Variants in ALPL observed in about 807,000 individuals in gnomAD.
ALPL encodes alkaline phosphatase, tissue-nonspecific isozyme.
In ALPL, 42 loss-of-function variants were observed where a neutral mutation model predicts 51.3. That is an observed-to-expected ratio of 0.82 (90% CI 0.64 to 1.06). The LOEUF (loss-of-function observed/expected upper bound fraction) is 1.06, where lower values mean the gene tolerates loss of function less well. Ranked by LOEUF, ALPL falls within the 50% of genes least tolerant of loss-of-function variation. The probability of loss-of-function intolerance (pLI) is 0.00; values close to 1 mark genes in which losing one functional copy is unlikely to be tolerated. For synonymous variants in ALPL, 279 were observed against 296.4 expected (o/e 0.94, Z 0.60); for missense variants, 589 against 709.4 (o/e 0.83, Z 1.93).
intron 1 of ALPL, among the ~76,000 whole-genome samples, chr1:21,514,039 C>T (rs544946365): frequency 7.9e-5 from 12 of 152,302 alleles, no homozygotes; most frequent in African/African-American, 2.9e-4. Flanking sequence ...GGGGCTTGGG[C>T]CAGCCCTCAG....
chr1:21,560,813 G>C lies in ALPL; in HGVS notation c.181+68G>C, dbSNP rs1644474246. On this transcript the variant is annotated intron_variant, in intron 3 of 11. Coordinates refer to ENST00000374840, the MANE Select transcript of ALPL (RefSeq NM_000478.6). ...AGCTAGGAGCCCCGGGAGCCAGGCT[G>C]AGTTGAAGGGGGCTGTGTTGAAGGG... 3 of 1,595,650 alleles carry C rather than the reference G, an allele frequency of 1.9e-6. No homozygotes were observed. The East Asian group carries it at 6.7e-5, about 36-fold the overall frequency.
intron 1 of ALPL, among the ~76,000 whole-genome samples, chr1:21,537,583 C>G (rs1487018776): frequency 6.6e-6 from 1 of 152,234 alleles, no homozygotes; most frequent in Non-Finnish European, 1.5e-5. Flanking sequence ...CGCCATCCCC[C>G]TACACCCCAG....
chr1:21,573,929 G>A, intron 9 of ALPL, 130 bp downstream of exon 9: 1 of 1,501,954 alleles, frequency 6.7e-7, no homozygotes, highest in Non-Finnish European at 8.9e-7. Context: ...AGGAGAATAG[G>A]TTGTGGAAGG....
At chr1:21,569,233 C>A (rs1174866897) in intron 7 of ALPL, among the ~76,000 whole-genome samples, 2 of 152,184 alleles carry the variant, frequency 1.3e-5, no homozygotes, top group African/African-American at 4.8e-5. Flanking sequence ...CAGAGAGACA[C>A]CAGCCTCAGT....
At chr1:21,557,995 A>G (rs2148145742) in intron 2 of ALPL, among the ~76,000 whole-genome samples, 1 of 152,332 alleles carries the variant, frequency 6.6e-6, no homozygotes, top group African/African-American at 2.4e-5. Flanking sequence ...TATAGTATGT[A>G]CCGATCAGTG....
intron 1 of ALPL, among the ~76,000 whole-genome samples, chr1:21,539,597 A>G (rs1644154272): frequency 6.7e-6 from 1 of 150,070 alleles, no homozygotes; most frequent in African/African-American, 2.5e-5. Context: ...CCTGCCCCTG[A>G]TGTGCTGTGT....
intron 1 of ALPL, among the ~76,000 whole-genome samples, chr1:21,514,389 C>T (rs1282193311): frequency 6.6e-6 from 1 of 152,212 alleles, no homozygotes; most frequent in African/African-American, 2.4e-5. Context: ...CCTGTGCTCC[C>T]TAACAGCCCT....
At position 21,577,714 on chromosome 1, in the gene ALPL, C is replaced by A. The variant is rs78043671; in HGVS notation, c.*66C>A. 7.1e-4 allele frequency: 1,096 copies of A among 1,542,944 alleles called. 12 individuals are homozygous for A. In the African/African-American group the frequency reaches 0.013, roughly 18 times the overall value. On this transcript the variant is annotated 3_prime_UTR_variant, in exon 12 of 12. Transcript: ENST00000374840. ...CAACTTCCCACACGGCAGCCCCCCC[C>A]TCAAGGGGCAGGGAGGTGGGGGCCT...
At chr1:21,530,490 A>C (rs1197457681) in intron 1 of ALPL, among the ~76,000 whole-genome samples, 1 of 152,094 alleles carries the variant, frequency 6.6e-6, no homozygotes, top group Non-Finnish European at 1.5e-5. Context: ...GTCCAAGGAG[A>C]CGACATTGCC....
chr1:21,557,333 T>C (rs145725493), intron 2 of ALPL, among the ~76,000 whole-genome samples: 2 of 152,284 alleles, frequency 1.3e-5, no homozygotes, highest in Middle Eastern at 3.4e-3. Context: ...TCTCTTCTCT[T>C]AGGACGGCTG....
intron 1 of ALPL, among the ~76,000 whole-genome samples, chr1:21,517,639 A>G (rs998900331): frequency 6.6e-6 from 1 of 152,136 alleles, no homozygotes; most frequent in African/African-American, 2.4e-5. Context: ...TGAGAAACCC[A>G]GAGGGGCCTG....
rs773053030 is a variant in ALPL, at chr1:21,570,393, G to A, written c.862+19G>A. ...CTATTGGGTAAGTGGAGGGGGTGGA[G>A]GGGAGGATGCATGGCTCGGAGCCTG... On this transcript the variant is annotated intron_variant, in intron 8 of 11. Transcript: ENST00000374840. 8.5e-5 allele frequency: 137 copies of A among 1,612,876 alleles called. No individual in the cohort carries two copies. The highest frequency in any genetic ancestry group is 1.0e-4 in the Non-Finnish European group (123 of 1,179,124).
rs2275376 is a variant in ALPL, at chr1:21,570,425, G to A, written c.862+51G>A. On this transcript the variant is annotated intron_variant, in intron 8 of 11. Transcript: ENST00000374840. Reference sequence around the variant, plus strand: ...ATGCATGGCTCGGAGCCTGGTGGCCGGAGCTGCGTGTGGCCAGCACCTGGG... The same window carrying A: ...ATGCATGGCTCGGAGCCTGGTGGCCAGAGCTGCGTGTGGCCAGCACCTGGG... 228,945 of 1,578,162 alleles carry A rather than the reference G, an allele frequency of 0.15. 21,470 individuals are homozygous for A. The highest frequency in any genetic ancestry group is 0.5 in the East Asian group (22,472 of 44,574).
At chr1:21,549,415 C>T (rs1170658451) in intron 1 of ALPL, among the ~76,000 whole-genome samples, 2 of 152,170 alleles carry the variant, frequency 1.3e-5, no homozygotes, top group African/African-American at 2.4e-5. Context: ...CTGATTGTCT[C>T]CACCTCACGC....
Position 21,564,336 on chromosome 1 carries a change from G to A in ALPL, c.648+120G>A, listed in dbSNP as rs1266144249. On this transcript the variant is annotated intron_variant, in intron 6 of 11. Transcript: ENST00000374840. The surrounding 1 kb of genome is among the most constrained non-coding windows in gnomAD (Gnocchi z 5.8). Reference sequence around the variant, plus strand: ...CTGGCCTGGCTCCCCACACACCTGGGAGGCTCCCAGCCCATTAGGGGATTT... The same window carrying A: ...CTGGCCTGGCTCCCCACACACCTGGAAGGCTCCCAGCCCATTAGGGGATTT... The A allele has an allele frequency of 5.4e-6, 7 of 1,296,372 alleles. No homozygotes were observed. The highest frequency in any genetic ancestry group is 7.5e-6 in the Non-Finnish European group (7 of 936,038). The allele number at this position is 1,296,372 out of a possible 1,614,324, so 80.3% of individuals were successfully genotyped here. A position where few individuals can be genotyped will look rare whatever the true frequency, so the allele number is the denominator to read the frequency against.
At chr1:21,567,922 G>A (rs924184106) in intron 6 of ALPL, among the ~76,000 whole-genome samples, 182 bp from the exon 7 acceptor site, 3 of 152,074 alleles carry the variant, frequency 2.0e-5, no homozygotes, top group East Asian at 1.9e-4. Flanking sequence ...CAATAGACTC[G>A]TGATTTCATC....
chr1:21,510,248 A>T (rs756956566), intron 1 of ALPL, among the ~76,000 whole-genome samples: 4 of 152,152 alleles, frequency 2.6e-5, no homozygotes, highest in Non-Finnish European at 5.9e-5. Context: ...CGCAGGTCTC[A>T]GCAGAAAGGC....
chr1:21,554,815 G>GTCTTTCTTTCTTTCTTTCTTTCTT (rs60858822), intron 2 of ALPL, among the ~76,000 whole-genome samples: 1 of 83,696 alleles, frequency 1.2e-5, no homozygotes, highest in Non-Finnish European at 2.7e-5. Flanking sequence ...CTGTCTGTCT[G>GTCTTTCTTTCTTTCTTTCTTTCTT]TCTTTCTTTC....
chr1:21,521,197 T>C (rs1457920009), intron 1 of ALPL, among the ~76,000 whole-genome samples: 1 of 152,188 alleles, frequency 6.6e-6, no homozygotes, highest in Non-Finnish European at 1.5e-5. Context: ...ATGACTTTTT[T>C]TTTTTTGAGA....
Sources: gnomAD v4.1 joint callset for allele counts (sites outside exome capture counted in the v4.1 genomes callset) on GRCh38, gnomAD v4.1.1 for gene constraint, Gnocchi (gnomAD v3.1) non-coding constraint, MANE v1.5 for transcripts, NCBI Gene and HGNC (gene_info 2026-07-23, HGNC 2026-07-21) for gene names.